Variants in TENM3 observed in about 807,000 individuals in gnomAD.
TENM3 encodes the protein teneurin transmembrane protein 3.
Under a neutral mutation model 255.1 loss-of-function variants are expected in TENM3, and 63 were observed. The observed-to-expected ratio is 0.25, with a 90% CI of 0.20 to 0.30. The LOEUF is 0.30. TENM3 is among the 10% of genes least tolerant of loss of function. TENM3 has a pLI of 1.00. For synonymous variants in TENM3, 1,306 were observed against 1,322.3 expected (o/e 0.99, Z 0.27); for missense variants, 2,929 against 3,461.1 (o/e 0.85, Z 3.86).
At chr4:182,095,847 CTATTA>C in the TENM3 span, among the ~76,000 whole-genome samples, 1 of 151,524 alleles carries the variant, frequency 6.6e-6, no homozygotes, top group African/African-American at 2.4e-5. Context: ...ATATGTATAA[CTATTA>C]TATGTCCATA....
the TENM3 span, among the ~76,000 whole-genome samples, chr4:181,525,766 T>G: frequency 1.3e-5 from 2 of 152,268 alleles, no homozygotes; most frequent in African/African-American, 4.8e-5. Flanking sequence ...TCAAGAGCTG[T>G]GGGGTGGCAG....
chr4:181,799,807 A>G, the TENM3 span, among the ~76,000 whole-genome samples: 10 of 152,348 alleles, frequency 6.6e-5, no homozygotes, highest in African/African-American at 2.4e-4. Context: ...ATCTTTGACT[A>G]GGTCTATACA....
chr4:182,205,530 C>T (rs1014007903), intron 1 of TENM3, among the ~76,000 whole-genome samples: 2 of 152,176 alleles, frequency 1.3e-5, no homozygotes, highest in African/African-American at 4.8e-5. Context: ...TGCAGTGGAG[C>T]GTTGCTATGA....
the TENM3 span, among the ~76,000 whole-genome samples, chr4:181,556,147 G>T: frequency 4.6e-5 from 7 of 152,142 alleles, no homozygotes; most frequent in Non-Finnish European, 8.8e-5. Context: ...TTGCCAACAA[G>T]TTGGTTGGTA....
At chr4:181,961,986 G>A in the TENM3 span, among the ~76,000 whole-genome samples, 1 of 152,136 alleles carries the variant, frequency 6.6e-6, no homozygotes, top group African/African-American at 2.4e-5. Flanking sequence ...CCCAAAACAG[G>A]TTAGAAAGAG....
At chr4:181,706,297 C>T in the TENM3 span, among the ~76,000 whole-genome samples, 58 of 152,218 alleles carry the variant, frequency 3.8e-4, no homozygotes, top group African/African-American at 1.3e-3. Flanking sequence ...GATATGACCC[C>T]GCCTCCAAAT....
the TENM3 span, among the ~76,000 whole-genome samples, chr4:181,923,544 T>G: frequency 2.0e-5 from 3 of 152,158 alleles, no homozygotes; most frequent in Admixed American, 6.6e-5. Context: ...TTTAAGAAAT[T>G]TTTATTAAGT....
At chr4:182,116,565 T>G in the TENM3 span, among the ~76,000 whole-genome samples, 1 of 152,170 alleles carries the variant, frequency 6.6e-6, no homozygotes, top group Non-Finnish European at 1.5e-5. Context: ...CCTGCTGCCC[T>G]GTGAAGAGGT....
the TENM3 span, among the ~76,000 whole-genome samples, chr4:182,125,866 A>T: frequency 6.6e-6 from 1 of 152,032 alleles, no homozygotes. Context: ...ATAGAGCATA[A>T]AATTGCTGGT....
the TENM3 span, among the ~76,000 whole-genome samples, chr4:181,695,825 T>C: frequency 6.6e-6 from 1 of 152,148 alleles, no homozygotes; most frequent in African/African-American, 2.4e-5. Flanking sequence ...TAATGGATCG[T>C]TGGTCACAGC....
rs1490058035 is a variant in TENM3 at position 182,243,413 on chromosome 4, C to G, written c.-139C>G. On this transcript the variant is annotated 5_prime_UTR_variant, in exon 1 of 28. Coordinates refer to ENST00000511685, the MANE Select transcript of TENM3 (RefSeq NM_001080477.4). ...TACAGGCATGAGCCATCGCACCTGG[C>G]CATGAAGGCTTTTAGATGGGTCTGG... is the stretch of plus-strand genomic sequence containing the variant. 6.6e-6 allele frequency: 1 copy of G among 152,524 alleles called. No individual in the cohort carries two copies. Among genetic ancestry groups the G allele is most frequent in the East Asian group, 1.9e-4 (1 of 5,182 alleles). The allele number at this position is 152,524 out of a possible 1,614,324, so 9.4% of individuals were successfully genotyped here.
chr4:181,687,053 G>A, the TENM3 span, among the ~76,000 whole-genome samples: 2 of 152,126 alleles, frequency 1.3e-5, no homozygotes, highest in African/African-American at 4.8e-5. Context: ...AAAAAAGAGA[G>A]ATGCATAGAG....
the TENM3 span, among the ~76,000 whole-genome samples, chr4:181,695,852 A>G: frequency 0.77 from 117,600 of 152,074 alleles, 45,987 homozygotes; most frequent in Admixed American, 0.87. Flanking sequence ...AAAATGAACA[A>G]TTTGTGCCAG....
At chr4:182,354,295 C>G (rs1209174411) in intron 3 of TENM3, among the ~76,000 whole-genome samples, 2 of 152,128 alleles carry the variant, frequency 1.3e-5, no homozygotes, top group African/African-American at 2.4e-5. Flanking sequence ...TATGAATGTA[C>G]CAAAACTGAT....
At chr4:182,777,511 A>ATGTGTGTGTGTGTG (rs150202066) in intron 24 of TENM3, among the ~76,000 whole-genome samples, 1,220 of 99,880 alleles carry the variant, frequency 0.012, 37 homozygotes, top group East Asian at 0.052. Flanking sequence ...TAATGTGTTT[A>ATGTGTGTGTGTGTG]TGTGTGTGTG....
chr4:181,914,548 A>G, the TENM3 span, among the ~76,000 whole-genome samples: 1 of 152,222 alleles, frequency 6.6e-6, no homozygotes, highest in Non-Finnish European at 1.5e-5. Context: ...CCCGGTACCC[A>G]GCATTGTCCA....
intron 24 of TENM3, among the ~76,000 whole-genome samples, chr4:182,777,007 C>T (rs367845615): frequency 1.3e-5 from 2 of 152,302 alleles, no homozygotes; most frequent in East Asian, 3.9e-4. Flanking sequence ...CTGCTAATTT[C>T]ATTCCTCTGT....
At chr4:181,672,200 C>A in the TENM3 span, among the ~76,000 whole-genome samples, 1 of 152,034 alleles carries the variant, frequency 6.6e-6, no homozygotes, top group Non-Finnish European at 1.5e-5. Context: ...CCATCTTGTG[C>A]AGATCTTTGC....
intron 22 of TENM3, among the ~76,000 whole-genome samples, chr4:182,761,334 G>A (rs1561213373): frequency 6.6e-6 from 1 of 152,034 alleles, no homozygotes; most frequent in African/African-American, 2.4e-5. Flanking sequence ...CAGGAGAATC[G>A]CTTGAACCCG....
Sources: allele counts gnomAD v4.1 joint callset (sites outside exome capture counted in the v4.1 genomes callset), GRCh38; gene constraint gnomAD v4.1.1; transcripts MANE v1.5; gene names NCBI Gene and HGNC (gene_info 2026-07-23, HGNC 2026-07-21).